The following DOP1A variants were observed in gnomAD, a reference collection of about 807,000 sequenced individuals.
The protein encoded by DOP1A is DOP1 leucine zipper like protein A, also known as protein DOP1A.
DOP1A carries 90 observed loss-of-function variants against 267.6 expected under a neutral mutation model. That is an observed-to-expected ratio of 0.34 (90% CI 0.28 to 0.40). The LOEUF (loss-of-function observed/expected upper bound fraction) is 0.40, where lower values mean the gene tolerates loss of function less well. Ranked by LOEUF, DOP1A falls within the 10% of genes least tolerant of loss-of-function variation. The pLI, the probability that DOP1A is intolerant of heterozygous loss-of-function variation, is 1.00. For missense variants in DOP1A, 2,437 were observed against 2,900.4 expected, an observed-to-expected ratio of 0.84 and a Z score of 3.67; for synonymous variants, 932 against 999.1, an observed-to-expected ratio of 0.93 and a Z score of 1.27.
intron 1 of DOP1A, among the ~76,000 whole-genome samples, chr6:83,080,243 T>C (rs1767857731): frequency 6.6e-6 from 1 of 152,180 alleles, no homozygotes; most frequent in African/African-American, 2.4e-5. Flanking sequence ...AGCAGATATA[T>C]CCTAAAAGCA....
chr6:83,098,926 G>C (rs1772009482), intron 3 of DOP1A, among the ~76,000 whole-genome samples: 2 of 152,188 alleles, frequency 1.3e-5, no homozygotes, highest in Admixed American at 6.5e-5. Flanking sequence ...CCTTCCTTCT[G>C]GGTATGGGGC....
intron 25 of DOP1A, 81 bp downstream of exon 25, chr6:83,145,739 T>C: frequency 7.1e-7 from 1 of 1,411,274 alleles, no homozygotes; most frequent in Middle Eastern, 1.8e-4. Context: ...TGTACAATAA[T>C]GTCCTTTCAA....
At chr6:83,151,445 A>T (rs1057354330) in intron 27 of DOP1A, 148 bp from the exon 28 acceptor site, 1 of 496,170 alleles carries the variant, frequency 2.0e-6, no homozygotes, top group African/African-American at 2.0e-5. Flanking sequence ...TATGAATGTC[A>T]GTTGAGTCAT....
At chr6:83,087,316 G>C (rs1326395592) in intron 1 of DOP1A, among the ~76,000 whole-genome samples, 1 of 152,200 alleles carries the variant, frequency 6.6e-6, no homozygotes, top group Non-Finnish European at 1.5e-5. Context: ...AGTGGGTTAG[G>C]ATAGTGTTGA....
chr6:83,072,159 G>A (rs1404540905), intron 1 of DOP1A, among the ~76,000 whole-genome samples: 2 of 152,040 alleles, frequency 1.3e-5, no homozygotes, highest in African/African-American at 2.4e-5. Context: ...TAAATTCCCT[G>A]CTCTTATTTT....
intron 1 of DOP1A, among the ~76,000 whole-genome samples, chr6:83,079,299 T>A (rs569988145): frequency 2.0e-5 from 3 of 152,314 alleles, no homozygotes; most frequent in African/African-American, 7.2e-5. Flanking sequence ...TCTCAGTGAA[T>A]TTTTTTGCAT....
In DOP1A at chr6:83,147,795, G is replaced by A. The variant is rs562912620; in HGVS notation, c.5732+504G>A. Among the ~76,000 whole-genome samples the A allele has an allele frequency of 2.6e-5, 4 of 152,294 alleles. No homozygotes were observed. The East Asian group carries it at 7.7e-4, about 29-fold the overall frequency. On this transcript the variant is annotated intron_variant, in intron 26 of 38. Coordinates refer to ENST00000349129, the MANE Select transcript of DOP1A (RefSeq NM_015018.4). ...GCATTATAAGGTCAGGCTATTGAGT[G>A]TATTTAAACTGGTTGTGACCTAGAG...
intron 27 of DOP1A, among the ~76,000 whole-genome samples, chr6:83,150,932 A>G (rs765317574): frequency 4.6e-5 from 7 of 152,192 alleles, no homozygotes; most frequent in Non-Finnish European, 7.3e-5. Context: ...AAGAAATAAA[A>G]CACCATGTGT....
chr6:83,141,837 C>A, intron 23 of DOP1A, 84 bp from the exon 24 acceptor site: 1 of 1,434,622 alleles, frequency 7.0e-7, no homozygotes, highest in Non-Finnish European at 9.4e-7. Flanking sequence ...TATATTATTT[C>A]AAAGAAACCA....
intron 1 of DOP1A, among the ~76,000 whole-genome samples, chr6:83,088,172 A>C (rs1275330884): frequency 6.6e-6 from 1 of 151,432 alleles, no homozygotes; most frequent in African/African-American, 2.4e-5. Flanking sequence ...GCACCCGGCC[A>C]ACCATTGATG....
At position 83,130,221 on chromosome 6, in the gene DOP1A, G is replaced by A. The variant is rs993603698; in HGVS notation, c.2440G>A (p.Val814Ile). Residue 814 changes from valine to isoleucine, a missense_variant, in exon 17 of 39, where the codon GTT becomes ATT. Around this residue, in one of 9 missense-constraint regions of DOP1A, gnomAD observed 878 missense variants for 992.9 expected, o/e 0.88. Transcript: ENST00000349129. ...TGTTCAGAGTGTTGCTATTTCACTA[G>A]TTATGGACCTGGTGGGACTGACACA... is the stretch of plus-strand genomic sequence containing the variant. ...FSVQSVAISL[V>I]MDLVGLTQSV... 1.9e-6 allele frequency: 3 copies of A among 1,613,968 alleles called. No individual in the cohort carries two copies.
chr6:83,133,624 A>C lies in DOP1A; in HGVS notation c.2770-563A>C, dbSNP rs138001989. Reference sequence around the variant, plus strand: ...GCCTATCTAAATAATTTATTTTTACATTGTTTTACCCATTATTATATTAAT... The same window carrying C: ...GCCTATCTAAATAATTTATTTTTACCTTGTTTTACCCATTATTATATTAAT... On this transcript the variant is annotated intron_variant, in intron 18 of 38. Coordinates refer to ENST00000349129, the MANE Select transcript of DOP1A (RefSeq NM_015018.4). Among the ~76,000 whole-genome samples the C allele has an allele frequency of 2.5e-3, 376 of 152,192 alleles. 6 individuals carry two copies. Among genetic ancestry groups the C allele is most frequent in the African/African-American group, 8.7e-3 (361 of 41,536 alleles).
At chr6:83,139,197 A>G in intron 21 of DOP1A, 35 bp downstream of exon 21, 1 of 1,482,942 alleles carries the variant, frequency 6.7e-7, no homozygotes, top group Non-Finnish European at 9.3e-7. Flanking sequence ...TGGTACTGAC[A>G]TTTTTCACAT....
intron 1 of DOP1A, among the ~76,000 whole-genome samples, chr6:83,076,469 C>G (rs1767112976): frequency 6.6e-6 from 1 of 152,164 alleles, no homozygotes; most frequent in Admixed American, 6.5e-5. Flanking sequence ...CAAGATCGCA[C>G]CACTGCACTC....
chr6:83,167,081 A>T, intron 38 of DOP1A: 1 of 984,028 alleles, frequency 1.0e-6, no homozygotes, highest in Non-Finnish European at 1.2e-6. Context: ...TAATACCCAA[A>T]TTATTAGTCT....
chr6:83,152,307 G>A lies in DOP1A; in HGVS notation c.6069G>A (p.Met2023Ile). The A allele has an allele frequency of 6.4e-7, 1 of 1,571,218 alleles. No individual in the cohort carries two copies. The highest frequency in any genetic ancestry group is 1.2e-5 in the South Asian group (1 of 82,728). Residue 2023 changes from methionine (M) to isoleucine (I), a missense_variant, in exon 30 of 39, where the codon ATG becomes ATA. Around this residue, in one of 9 missense-constraint regions of DOP1A, gnomAD observed 216 missense variants for 283.3 expected, o/e 0.76. Transcript: ENST00000349129. Reference sequence around the variant, plus strand: ...TTATAGATATGTTATCACCTGCAATGGAAACCGCAAACATAACTCCTTCTG... The same window carrying A: ...TTATAGATATGTTATCACCTGCAATAGAAACCGCAAACATAACTCCTTCTG... ...SDVEDMLSPA[M>I]ETANITPSVY...
At chr6:83,168,784 ACT>A, downstream of DOP1A, 1 of 1,007,170 alleles carries the variant, frequency 9.9e-7, no homozygotes, top group Non-Finnish European at 1.2e-6. Context: ...CTTTCTTAAG[ACT>A]CTGCAATGGA....
chr6:83,147,949 T>C (rs570523353), intron 26 of DOP1A, among the ~76,000 whole-genome samples: 31 of 152,138 alleles, frequency 2.0e-4, no homozygotes, highest in African/African-American at 7.5e-4. Context: ...CTCCATAATA[T>C]GAGGTAGAGA....
chr6:83,161,489 G>T (rs1020194730), intron 37 of DOP1A, among the ~76,000 whole-genome samples: 2 of 152,082 alleles, frequency 1.3e-5, no homozygotes, highest in African/African-American at 4.8e-5. Flanking sequence ...ATTGGTAAAA[G>T]ATATTTTCGA....
Sources: gnomAD v4.1 joint callset for allele counts (sites outside exome capture counted in the v4.1 genomes callset) on GRCh38, gnomAD v4.1.1 for gene constraint, gnomAD v4.1.1 regional missense constraint, MANE v1.5 for transcripts, NCBI Gene and HGNC (gene_info 2026-07-23, HGNC 2026-07-21) for gene names.